Variants in FARP1 observed in about 807,000 individuals in gnomAD.
The protein encoded by FARP1 is FERM, ARH/RhoGEF and pleckstrin domain protein 1, also known as FERM, ARHGEF and pleckstrin domain-containing protein 1.
FARP1 carries 52 observed loss-of-function variants against 128.8 expected under a neutral mutation model. The ratio of observed to expected loss-of-function variants is 0.40; its 90% CI spans 0.32 to 0.51. The LOEUF is 0.51. FARP1 is among the 20% of genes least tolerant of loss of function. The pLI, the probability that FARP1 is intolerant of heterozygous loss-of-function variation, is 0.45. For missense variants in FARP1, 1,333 were observed against 1,367.9 expected, an observed-to-expected ratio of 0.97 and a Z score of 0.40; for synonymous variants, 580 against 551.8, an observed-to-expected ratio of 1.05 and a Z score of -0.72.
intron 12 of FARP1, among the ~76,000 whole-genome samples, chr13:98,394,067 C>T (rs1890415389): frequency 6.6e-6 from 1 of 152,188 alleles, no homozygotes; most frequent in Non-Finnish European, 1.5e-5. Context: ...GAGATGGGGA[C>T]CCGCTTTGTA....
intron 2 of FARP1, chr13:98,234,512 C>G (rs926580174): frequency 6.6e-6 from 1 of 152,164 alleles, no homozygotes; most frequent in Non-Finnish European, 1.5e-5. Context: ...CTTGTCTAAA[C>G]ACCTGGAAAA....
intron 2 of FARP1, among the ~76,000 whole-genome samples, chr13:98,320,318 A>G (rs576774654): frequency 1.1e-3 from 165 of 152,296 alleles, no homozygotes; most frequent in African/African-American, 3.8e-3. Context: ...CTCTCCGTAC[A>G]ATCTGGATGT....
chr13:98,202,790 G>A (rs1880031726), intron 1 of FARP1, among the ~76,000 whole-genome samples: 1 of 151,800 alleles, frequency 6.6e-6, no homozygotes, highest in Non-Finnish European at 1.5e-5. Context: ...TACAATCATA[G>A]CTCACCACAG....
At chr13:98,217,671 T>G (rs1237505485) in intron 2 of FARP1, among the ~76,000 whole-genome samples, 5 of 152,144 alleles carry the variant, frequency 3.3e-5, no homozygotes, top group Non-Finnish European at 7.3e-5. Context: ...CCATGGCTCA[T>G]CTCAACCACA....
At chr13:98,345,815 T>C (rs1298813077) in intron 3 of FARP1, among the ~76,000 whole-genome samples, 2 of 152,190 alleles carry the variant, frequency 1.3e-5, no homozygotes, top group Non-Finnish European at 2.9e-5. Context: ...TCTCCCCTTA[T>C]CATGCAAAAG....
At chr13:98,260,635 A>C (rs898413165) in intron 2 of FARP1, among the ~76,000 whole-genome samples, 28 of 152,176 alleles carry the variant, frequency 1.8e-4, no homozygotes, top group Admixed American at 9.8e-4. Flanking sequence ...TCTTCACTCT[A>C]CTTGCTTTTT....
chr13:98,401,413 A>ACACACACACACACACAC (rs1304010524), intron 13 of FARP1: 1 of 99,544 alleles, frequency 1.0e-5, no homozygotes, highest in Non-Finnish European at 2.0e-5. Context: ...AAATAATGAC[A>ACACACACACACACACAC]AAACACACAC....
intron 5 of FARP1, among the ~76,000 whole-genome samples, chr13:98,376,036 T>A (rs1388713906): frequency 2.0e-5 from 3 of 152,184 alleles, no homozygotes; most frequent in Admixed American, 2.0e-4. Flanking sequence ...ATCATTATTT[T>A]CACATCCATT....
intron 2 of FARP1, among the ~76,000 whole-genome samples, chr13:98,222,737 T>C (rs1307686599): frequency 1.4e-4 from 21 of 150,870 alleles, no homozygotes; most frequent in African/African-American, 5.1e-4. Flanking sequence ...TTCTCCTGCC[T>C]CAGCCTCCCC....
intron 24 of FARP1, among the ~76,000 whole-genome samples, chr13:98,441,315 C>T (rs368423702): frequency 7.2e-5 from 11 of 152,342 alleles, no homozygotes; most frequent in Non-Finnish European, 1.0e-4. Flanking sequence ...ACTCCTGTGA[C>T]AAAAGACAGG....
chr13:98,311,317 C>A (rs1048075153), intron 2 of FARP1, among the ~76,000 whole-genome samples: 2 of 152,158 alleles, frequency 1.3e-5, no homozygotes, highest in African/African-American at 4.8e-5. Context: ...GGGATTTAAT[C>A]CCAGGTTTTT....
intron 2 of FARP1, among the ~76,000 whole-genome samples, chr13:98,256,809 C>G (rs920383576): frequency 3.3e-5 from 5 of 149,446 alleles, no homozygotes; most frequent in African/African-American, 1.2e-4. Flanking sequence ...ATCCACCCGC[C>G]TCAGCCTCCC....
intron 2 of FARP1, among the ~76,000 whole-genome samples, chr13:98,309,420 C>T (rs1439419561): frequency 6.6e-6 from 1 of 151,732 alleles, no homozygotes; most frequent in Non-Finnish European, 1.5e-5. Context: ...CCGCCCGCCT[C>T]GGCCTCCCAA....
At chr13:98,257,769 T>C (rs1481590712) in intron 2 of FARP1, among the ~76,000 whole-genome samples, 1 of 152,026 alleles carries the variant, frequency 6.6e-6, no homozygotes, top group Non-Finnish European at 1.5e-5. Context: ...GACTCCATCT[T>C]GAGGGGGAAA....
At chr13:98,232,693 A>G (rs1648195104) in intron 2 of FARP1, among the ~76,000 whole-genome samples, 1 of 152,218 alleles carries the variant, frequency 6.6e-6, no homozygotes, top group African/African-American at 2.4e-5. Context: ...TGGGAAACCA[A>G]AAAATTTGTG....
intron 2 of FARP1, among the ~76,000 whole-genome samples, chr13:98,229,663 A>G (rs187854354): frequency 6.8e-6 from 1 of 147,042 alleles, no homozygotes; most frequent in East Asian, 2.0e-4. Flanking sequence ...GAATTTTTAG[A>G]TGATTATTAT....
chr13:98,365,280 C>T (rs555634780), intron 3 of FARP1, 115 bp from the exon 4 acceptor site: 15 of 704,720 alleles, frequency 2.1e-5, no homozygotes, highest in Non-Finnish European at 2.9e-5. Flanking sequence ...ATGGAACAGG[C>T]GGCCTCATAT....
chr13:98,404,638 C>T (rs769451416), intron 13 of FARP1: 2 of 152,050 alleles, frequency 1.3e-5, no homozygotes, highest in Non-Finnish European at 2.9e-5. Context: ...TGAGCATATT[C>T]TGGGCACATA....
At chr13:98,236,433 C>A (rs1236952369) in intron 2 of FARP1, among the ~76,000 whole-genome samples, 1 of 152,154 alleles carries the variant, frequency 6.6e-6, no homozygotes. Flanking sequence ...GCCAACATCT[C>A]CTACGTGCAT....
Sources: gnomAD v4.1 joint callset for allele counts (sites outside exome capture counted in the v4.1 genomes callset) on GRCh38, gnomAD v4.1.1 for gene constraint, MANE v1.5 for transcripts, NCBI Gene and HGNC (gene_info 2026-07-23, HGNC 2026-07-21) for gene names.